NSMCE2: variants seen among roughly 807,000 people sequenced by gnomAD.
The protein encoded by NSMCE2 is NSE2 SUMO ligase component of SMC5/6 complex, also known as E3 SUMO-protein ligase NSE2.
A neutral mutation model predicts 23.8 loss-of-function variants in NSMCE2; 24 were observed. The ratio of observed to expected loss-of-function variants is 1.01; its 90% confidence interval spans 0.73 to 1.42. NSMCE2 has a LOEUF of 1.42. Among genes scored for constraint, NSMCE2 ranks in the 40% most tolerant of loss-of-function variants. The probability of loss-of-function intolerance (pLI) is 0.00; values close to 1 mark genes in which losing one functional copy is unlikely to be tolerated. For missense variants in NSMCE2, 284 were observed against 296.5 expected, an observed-to-expected ratio of 0.96 and a Z score of 0.31; for synonymous variants, 92 against 94.1, an observed-to-expected ratio of 0.98 and a Z score of 0.13.
chr8:125,248,938 G>A (rs1243918315), intron 5 of NSMCE2, among the ~76,000 whole-genome samples: 1 of 152,200 alleles, frequency 6.6e-6, no homozygotes, highest in Admixed American at 6.5e-5. Context: ...AAGAGGCTGA[G>A]GCAGGCGGAT....
chr8:125,268,214 A>G (rs547536684), intron 5 of NSMCE2, among the ~76,000 whole-genome samples: 1 of 152,220 alleles, frequency 6.6e-6, no homozygotes, highest in Admixed American at 6.5e-5. Context: ...AGCCTGGGCA[A>G]CAAAGCAAGA....
At chr8:125,200,300 G>A (rs530439870) in intron 5 of NSMCE2, among the ~76,000 whole-genome samples, 14 of 151,246 alleles carry the variant, frequency 9.3e-5, no homozygotes, top group African/African-American at 2.9e-4. Context: ...ATGTTTTTGC[G>A]GTGGCTGGTA....
intron 5 of NSMCE2, among the ~76,000 whole-genome samples, chr8:125,337,480 T>C (rs991083341): frequency 6.6e-6 from 1 of 152,262 alleles, no homozygotes; most frequent in Non-Finnish European, 1.5e-5. Context: ...TAGTGAAACA[T>C]GTTTTCATCA....
intron 7 of NSMCE2, among the ~76,000 whole-genome samples, chr8:125,360,446 G>C (rs867470088): frequency 6.6e-6 from 1 of 152,198 alleles, no homozygotes; most frequent in South Asian, 2.1e-4. Flanking sequence ...GCCAGAGCCC[G>C]ACTTCGTTCT....
intron 5 of NSMCE2, among the ~76,000 whole-genome samples, chr8:125,198,056 G>A (rs558243175): frequency 1.2e-4 from 19 of 152,302 alleles, no homozygotes; most frequent in African/African-American, 3.8e-4. Flanking sequence ...AGACTTTGCC[G>A]AAGTTGCTTA....
At chr8:125,164,369 A>G (rs757238709) in intron 4 of NSMCE2, among the ~76,000 whole-genome samples, 4 of 152,236 alleles carry the variant, frequency 2.6e-5, no homozygotes, top group Non-Finnish European at 5.9e-5. Context: ...TTCTGTTTCA[A>G]GATGGATGCT....
chr8:125,279,055 A>T (rs1269422950), intron 5 of NSMCE2, among the ~76,000 whole-genome samples: 1 of 152,242 alleles, frequency 6.6e-6, no homozygotes, highest in Non-Finnish European at 1.5e-5. Flanking sequence ...TTTTTTAAAT[A>T]AGTGGATTTA....
intron 3 of NSMCE2, among the ~76,000 whole-genome samples, chr8:125,102,727 A>G (rs1818257602): frequency 6.6e-6 from 1 of 152,218 alleles, no homozygotes; most frequent in Admixed American, 6.5e-5. Flanking sequence ...ATGGGCAAAG[A>G]TTTGAAGATC....
At chr8:125,271,977 T>C (rs752184394) in intron 5 of NSMCE2, among the ~76,000 whole-genome samples, 1 of 151,862 alleles carries the variant, frequency 6.6e-6, no homozygotes, top group Non-Finnish European at 1.5e-5. Flanking sequence ...TATTTAGCCT[T>C]ACATTGACAA....
At position 125,146,949 on chromosome 8, in the gene NSMCE2, T is replaced by A. The variant is rs112501677; in HGVS notation, c.158-4222T>A. Among the ~76,000 whole-genome samples, 320 of 152,294 alleles carry A rather than the reference T, an allele frequency of 2.1e-3. 2 individuals carry two copies. Among genetic ancestry groups the A allele is most frequent in the African/African-American group, 7.5e-3 (312 of 41,558 alleles). ...CCTAACTCTTATGTTGCCCTGAGATTTGATGTAAGTTTGATGTGCTGGCAC... is the reference window on the plus strand; with the variant it reads ...CCTAACTCTTATGTTGCCCTGAGATATGATGTAAGTTTGATGTGCTGGCAC... On this transcript the variant is annotated intron_variant, in intron 3 of 7. Coordinates refer to ENST00000287437, the MANE Select transcript of NSMCE2 (RefSeq NM_173685.4).
At chr8:125,308,387 C>T (rs149518621) in intron 5 of NSMCE2, among the ~76,000 whole-genome samples, 4 of 152,280 alleles carry the variant, frequency 2.6e-5, no homozygotes, top group East Asian at 1.9e-4. Flanking sequence ...CAATTATCCT[C>T]GCCTAATGGT....
At chr8:125,278,621 A>G (rs1223810933) in intron 5 of NSMCE2, among the ~76,000 whole-genome samples, 1 of 152,200 alleles carries the variant, frequency 6.6e-6, no homozygotes, top group African/African-American at 2.4e-5. Context: ...TTCCTCAGCA[A>G]TGAGTGTTGA....
At chr8:125,105,973 A>G (rs1818437435) in intron 3 of NSMCE2, among the ~76,000 whole-genome samples, 1 of 152,088 alleles carries the variant, frequency 6.6e-6, no homozygotes, top group African/African-American at 2.4e-5. Context: ...CAACTTAGAC[A>G]GACACAGAGT....
intron 5 of NSMCE2, among the ~76,000 whole-genome samples, chr8:125,325,600 G>A (rs1344262938): frequency 1.3e-5 from 2 of 152,152 alleles, no homozygotes; most frequent in African/African-American, 4.8e-5. Flanking sequence ...GCCCGCCTCA[G>A]ACTACCAAAA....
At chr8:125,347,497 C>T (rs944485992) in intron 5 of NSMCE2, among the ~76,000 whole-genome samples, 2 of 152,202 alleles carry the variant, frequency 1.3e-5, no homozygotes, top group Non-Finnish European at 2.9e-5. Flanking sequence ...CTACCAGACC[C>T]GATCTTATTC....
At position 125,094,045 on chromosome 8, in the gene NSMCE2, CTTCCTGCCT is replaced by C. The variant is rs141677251; in HGVS notation, c.-111+2089_-111+2097del. Among the ~76,000 whole-genome samples, 1,336 of 151,844 alleles carry C rather than the reference CTTCCTGCCT, an allele frequency of 8.8e-3. 22 individuals are homozygous for C. Among genetic ancestry groups the C allele is most frequent in the African/African-American group, 0.03 (1,235 of 41,348 alleles). On this transcript the variant is annotated intron_variant, in intron 1 of 7. Transcript: ENST00000287437. ...TCTTAAACTCCTGGCCTCAAGCAAT[CTTCCTGCCT>C]TGCCCTTTCAAAGTGCTGGGATTAT...
At chr8:125,268,410 A>G (rs572278078) in intron 5 of NSMCE2, among the ~76,000 whole-genome samples, 1 of 152,320 alleles carries the variant, frequency 6.6e-6, no homozygotes, top group Admixed American at 6.5e-5. Context: ...CCAAGGTTTT[A>G]TCATGGGCTG....
chr8:125,292,101 C>T (rs1461176129), intron 5 of NSMCE2, among the ~76,000 whole-genome samples: 1 of 151,972 alleles, frequency 6.6e-6, no homozygotes, highest in Non-Finnish European at 1.5e-5. Flanking sequence ...AAGTACCACA[C>T]CTACCTACAA....
intron 5 of NSMCE2, among the ~76,000 whole-genome samples, chr8:125,347,458 C>T (rs1261092445): frequency 6.6e-6 from 1 of 152,210 alleles, no homozygotes; most frequent in Non-Finnish European, 1.5e-5. Context: ...ACTGATCACA[C>T]AGGATATAAA....
Sources: gnomAD v4.1 joint callset for allele counts (sites outside exome capture counted in the v4.1 genomes callset) on GRCh38, gnomAD v4.1.1 for gene constraint, MANE v1.5 for transcripts, NCBI Gene and HGNC (gene_info 2026-07-23, HGNC 2026-07-21) for gene names.